EGFLAM: variants seen among roughly 807,000 people sequenced by gnomAD.
EGFLAM encodes the protein pikachurin.
Under a neutral mutation model 113.1 loss-of-function variants are expected in EGFLAM, and 79 were observed. The observed-to-expected ratio is 0.70, with a 90% CI of 0.58 to 0.84. The LOEUF is 0.84. Among genes scored for constraint, EGFLAM ranks in the 40% least tolerant of loss-of-function variants. The probability of loss-of-function intolerance (pLI) is 0.00; values close to 1 mark genes in which losing one functional copy is unlikely to be tolerated. For synonymous variants in EGFLAM, 504 were observed against 487.6 expected, an observed-to-expected ratio of 1.03 and a Z score of -0.44; for missense variants, 1,265 against 1,291.6, an observed-to-expected ratio of 0.98 and a Z score of 0.32.
chr5:38,326,617 T>A (rs1738890903), intron 1 of EGFLAM, among the ~76,000 whole-genome samples: 1 of 151,072 alleles, frequency 6.6e-6, no homozygotes, highest in Non-Finnish European at 1.5e-5. Flanking sequence ...TCCTGCCTCC[T>A]GAGTATCTGG....
intron 1 of EGFLAM, 138 bp downstream of exon 1, chr5:38,258,989 G>T (rs1757430038): frequency 2.1e-6 from 2 of 971,764 alleles, no homozygotes; most frequent in African/African-American, 1.7e-5. Flanking sequence ...TCTGCCAGGA[G>T]CTGAGAAAAG....
intron 1 of EGFLAM, among the ~76,000 whole-genome samples, chr5:38,275,420 T>C (rs571254053): frequency 6.6e-6 from 1 of 152,296 alleles, no homozygotes; most frequent in South Asian, 2.1e-4. Flanking sequence ...GTAGTAACTA[T>C]GCTTATATCA....
chr5:38,304,230 G>A (rs966644025), intron 1 of EGFLAM, among the ~76,000 whole-genome samples: 5 of 152,074 alleles, frequency 3.3e-5, no homozygotes, highest in Admixed American at 2.6e-4. Flanking sequence ...AATTCTCAGA[G>A]TTTGGTACCA....
At chr5:38,368,211 C>T (rs1189760841) in intron 5 of EGFLAM, among the ~76,000 whole-genome samples, 3 of 152,226 alleles carry the variant, frequency 2.0e-5, no homozygotes, top group African/African-American at 7.2e-5. Flanking sequence ...TGGTTTTCCT[C>T]TGCGAAGTGA....
intron 1 of EGFLAM, among the ~76,000 whole-genome samples, chr5:38,321,750 A>G (rs1656798747): frequency 6.6e-6 from 1 of 152,118 alleles, no homozygotes; most frequent in Non-Finnish European, 1.5e-5. Context: ...ATCCGTCGTG[A>G]GATCCATTTA....
In EGFLAM at chr5:38,464,319, G is replaced by A. The variant is rs1743396617; in HGVS notation, c.*333G>A. The A allele has an allele frequency of 4.0e-6, 1 of 250,132 alleles. No individual in the cohort carries two copies. The highest frequency in any genetic ancestry group is 1.0e-4 in the South Asian group (1 of 9,860). The allele number at this position is 250,132 out of a possible 1,614,324, so 15.5% of individuals were successfully genotyped here. On this transcript the variant is annotated 3_prime_UTR_variant, in exon 22 of 22. Coordinates refer to ENST00000322350, the MANE Select transcript of EGFLAM (RefSeq NM_152403.4). ...CTCAGTGACTGTGTTGTGATTCATA[G>A]TACATTAAAAAGAGAGAGAGAGAGA...
In EGFLAM at chr5:38,464,160, C is replaced by G; in HGVS notation, c.*174C>G. ...AACCAAGACAGGCATCCCTGGGTGG[C>G]CTTTCCTGCTGACACTCCACGAGCT... On this transcript the variant is annotated 3_prime_UTR_variant, in exon 22 of 22. Transcript: ENST00000322350. 1.2e-6 allele frequency: 1 copy of G among 832,202 alleles called. No individual in the cohort carries two copies. The highest frequency in any genetic ancestry group is 2.7e-5 in the East Asian group (1 of 37,006). The allele number at this position is 832,202 out of a possible 1,614,324, so 51.6% of individuals were successfully genotyped here.
chr5:38,344,849 A>G (rs911413779), intron 3 of EGFLAM, among the ~76,000 whole-genome samples: 1 of 152,196 alleles, frequency 6.6e-6, no homozygotes, highest in Non-Finnish European at 1.5e-5. Context: ...GATATCTCAA[A>G]AGTTGGCCTC....
chr5:38,418,282 T>A, intron 12 of EGFLAM, 27 bp downstream of exon 12: 1 of 1,611,706 alleles, frequency 6.2e-7, no homozygotes. Flanking sequence ...TGGGTTGGGG[T>A]ACTCTTATGG....
chr5:38,440,597 C>T (rs1188145389), intron 17 of EGFLAM, among the ~76,000 whole-genome samples: 2 of 152,158 alleles, frequency 1.3e-5, no homozygotes, highest in Non-Finnish European at 2.9e-5. Context: ...GTTTGAAAGA[C>T]CAAGAATGGT....
chr5:38,450,718 G>T (rs1477324596), intron 18 of EGFLAM, among the ~76,000 whole-genome samples: 1 of 152,240 alleles, frequency 6.6e-6, no homozygotes, highest in Non-Finnish European at 1.5e-5. Context: ...AGAGCATGGA[G>T]CTGGCCTAGC....
Position 38,286,115 on chromosome 5 carries a change from A to T in EGFLAM, c.97+27264A>T, listed in dbSNP as rs1012105961. 4.6e-5 allele frequency: 7 copies of T among 152,334 alleles called. No homozygotes were observed. The East Asian group carries it at 1.3e-3, about 29-fold the overall frequency. 9.4% of individuals were successfully genotyped at this position (152,334 alleles called of 1,614,324 possible). A position where few individuals can be genotyped will look rare whatever the true frequency, so the allele number is the denominator to read the frequency against. On this transcript the variant is annotated intron_variant, in intron 1 of 21. Transcript: ENST00000322350. Reference sequence around the variant, plus strand: ...CAGTAAACTCAGCATTTCAAAAAAAAAAAGTAAATATTTGCATAGCTTAAT... The same window carrying T: ...CAGTAAACTCAGCATTTCAAAAAAATAAAGTAAATATTTGCATAGCTTAAT...
intron 11 of EGFLAM, among the ~76,000 whole-genome samples, chr5:38,414,336 C>A (rs1372915627): frequency 1.3e-5 from 2 of 152,182 alleles, no homozygotes; most frequent in Non-Finnish European, 2.9e-5. Context: ...AAAGAAACTT[C>A]TAGCTTGGGT....
chr5:38,365,261 C>T (rs767343632), intron 5 of EGFLAM, among the ~76,000 whole-genome samples: 2 of 152,178 alleles, frequency 1.3e-5, no homozygotes, highest in Non-Finnish European at 2.9e-5. Flanking sequence ...CAGGCTCTCA[C>T]GCATAGTAAA....
At chr5:38,391,744 G>A (rs181658950) in intron 6 of EGFLAM, among the ~76,000 whole-genome samples, 2 of 152,054 alleles carry the variant, frequency 1.3e-5, no homozygotes, top group East Asian at 3.9e-4. Flanking sequence ...ATGATATCTG[G>A]TAGATGATTT....
chr5:38,300,596 G>A (rs377099159), intron 1 of EGFLAM, among the ~76,000 whole-genome samples: 4 of 152,170 alleles, frequency 2.6e-5, no homozygotes, highest in African/African-American at 4.8e-5. Flanking sequence ...GGCTGGTCTC[G>A]AACTACTGAT....
At chr5:38,307,678 A>G (rs1358705559) in intron 1 of EGFLAM, among the ~76,000 whole-genome samples, 4 of 152,202 alleles carry the variant, frequency 2.6e-5, no homozygotes, top group Non-Finnish European at 5.9e-5. Context: ...CAGCTCTGAA[A>G]AAATTGCTGC....
chr5:38,403,635 C>A, intron 6 of EGFLAM: 2 of 731,096 alleles, frequency 2.7e-6, no homozygotes, highest in African/African-American at 1.8e-5. Context: ...CAGGATGGAG[C>A]AGGGCAGTGT....
chr5:38,368,526 C>T (rs901953539), intron 5 of EGFLAM, among the ~76,000 whole-genome samples: 2 of 152,176 alleles, frequency 1.3e-5, no homozygotes, highest in Non-Finnish European at 2.9e-5. Context: ...ATCCGCTGTT[C>T]ACCCCGGCAT....
Sources: allele counts gnomAD v4.1 joint callset (sites outside exome capture counted in the v4.1 genomes callset), GRCh38; gene constraint gnomAD v4.1.1; transcripts MANE v1.5; gene names NCBI Gene and HGNC (gene_info 2026-07-23, HGNC 2026-07-21).